NAF1: variants seen among roughly 807,000 people sequenced by gnomAD.
NAF1 encodes H/ACA ribonucleoprotein complex non-core subunit NAF1.
Under a neutral mutation model 40.6 loss-of-function variants are expected in NAF1, and 11 were observed. The observed-to-expected ratio is 0.27, with a 90% CI of 0.17 to 0.45. NAF1 has a LOEUF of 0.45. Ranked by LOEUF, NAF1 falls within the 20% of genes least tolerant of loss-of-function variation. The pLI, the probability that NAF1 is intolerant of heterozygous loss-of-function variation, is 1.00. For missense variants in NAF1, 607 were observed against 611.1 expected, an observed-to-expected ratio of 0.99 and a Z score of 0.07; for synonymous variants, 260 against 228.5, an observed-to-expected ratio of 1.14 and a Z score of -1.24.
intron 5 of NAF1, 24 bp from the exon 6 acceptor site, chr4:163,137,274 CA>C (rs745854447): frequency 1.9e-6 from 3 of 1,587,176 alleles, no homozygotes; most frequent in East Asian, 2.3e-5. Context: ...GGATGGGAGT[CA>C]AAAAAGTATT....
chr4:163,148,268 G>C, intron 3 of NAF1, 73 bp downstream of exon 3: 1 of 883,850 alleles, frequency 1.1e-6, no homozygotes, highest in Admixed American at 2.8e-5. Flanking sequence ...AAATTTACTA[G>C]TCATAAAAGT....
intron 2 of NAF1, among the ~76,000 whole-genome samples, chr4:163,149,340 T>C (rs927062375): frequency 2.6e-5 from 4 of 152,132 alleles, no homozygotes; most frequent in Admixed American, 1.3e-4. Flanking sequence ...TGGAGAAATG[T>C]TGGAAAAGGT....
intron 2 of NAF1, among the ~76,000 whole-genome samples, chr4:163,115,958 C>T (rs947757158): frequency 7.9e-5 from 12 of 152,196 alleles, no homozygotes; most frequent in Non-Finnish European, 1.5e-4. Flanking sequence ...GCCAAATTAT[C>T]ATGTATACTA....
At chr4:163,141,221 C>T (rs1277140692) in intron 4 of NAF1, among the ~76,000 whole-genome samples, 2 of 151,958 alleles carry the variant, frequency 1.3e-5, no homozygotes, top group Non-Finnish European at 2.9e-5. Context: ...AAAAATTAGC[C>T]GGGTGTGGTG....
intron 2 of NAF1, among the ~76,000 whole-genome samples, chr4:163,153,898 CT>C (rs1412264113): frequency 6.6e-6 from 1 of 152,174 alleles, no homozygotes; most frequent in East Asian, 1.9e-4. Flanking sequence ...GTCCACACTG[CT>C]TTTATGAGCC....
chr4:163,135,086 T>C (rs887932420), intron 6 of NAF1: 1 of 152,202 alleles, frequency 6.6e-6, no homozygotes, highest in African/African-American at 2.4e-5. Flanking sequence ...AAAATGGCTA[T>C]GAAGATGAAC....
At chr4:163,127,000 A>G, downstream of NAF1, 1 of 1,551,450 alleles carries the variant, frequency 6.4e-7, no homozygotes, top group Non-Finnish European at 8.7e-7. Flanking sequence ...TTAATAAACT[A>G]AAGTAGCATG....
intron 4 of NAF1, among the ~76,000 whole-genome samples, chr4:163,140,908 A>T (rs1037273885): frequency 2.6e-5 from 4 of 152,194 alleles, no homozygotes; most frequent in African/African-American, 7.2e-5. Flanking sequence ...AGTAGAAGTT[A>T]TTTATGTTTA....
chr4:163,120,145 A>C (rs191195352), intron 2 of NAF1, among the ~76,000 whole-genome samples: 264 of 152,318 alleles, frequency 1.7e-3, no homozygotes, highest in Middle Eastern at 3.4e-3. Context: ...GGGTTGGGGG[A>C]GAGTGCAAAT....
intron 4 of NAF1, among the ~76,000 whole-genome samples, chr4:163,142,904 A>T (rs1731317600): frequency 6.6e-6 from 1 of 152,210 alleles, no homozygotes; most frequent in Non-Finnish European, 1.5e-5. Flanking sequence ...CATAGGAGGC[A>T]CCCATATCCC....
At chr4:163,146,437 T>TGGAGA (rs1731472426) in intron 3 of NAF1, among the ~76,000 whole-genome samples, 1 of 152,176 alleles carries the variant, frequency 6.6e-6, no homozygotes, top group African/African-American at 2.4e-5. Context: ...TCCAGTTCTT[T>TGGAGA]TAAATGACAC....
At chr4:163,151,342 C>A (rs1356690721) in intron 2 of NAF1, among the ~76,000 whole-genome samples, 1 of 151,116 alleles carries the variant, frequency 6.6e-6, no homozygotes, top group Non-Finnish European at 1.5e-5. Flanking sequence ...TGAAAATTCA[C>A]TATTGTTTTC....
chr4:163,147,280 ACCAC>A, intron 3 of NAF1, among the ~76,000 whole-genome samples: 1 of 152,316 alleles, frequency 6.6e-6, no homozygotes, highest in African/African-American at 2.4e-5. Context: ...TCCTATTTCT[ACCAC>A]TGACTCACTA....
chr4:163,154,000 G>A (rs368490930), intron 2 of NAF1, among the ~76,000 whole-genome samples: 67 of 150,990 alleles, frequency 4.4e-4, no homozygotes, highest in East Asian at 2.7e-3. Flanking sequence ...CAGACATGCC[G>A]CCTTAAGAGC....
intron 2 of NAF1, among the ~76,000 whole-genome samples, chr4:163,115,353 C>T (rs374355839): frequency 6.6e-6 from 1 of 151,776 alleles, no homozygotes; most frequent in Non-Finnish European, 1.5e-5. Flanking sequence ...GGACTACAGG[C>T]GCCCACCACC....
rs181407040 is a variant in NAF1 at position 163,135,978 on chromosome 4, T to A, written c.930+1221A>T. On this transcript the variant is annotated intron_variant, in intron 6 of 7. Transcript: ENST00000274054. Reference sequence around the variant, plus strand: ...CTGAAATCACATAAATACATAACATTAATTAGAAAACATAATTCCATTTCA... The same window carrying A: ...CTGAAATCACATAAATACATAACATAAATTAGAAAACATAATTCCATTTCA... The A allele has an allele frequency of 7.2e-4, 109 of 152,300 alleles. 1 individual carries two copies. Among genetic ancestry groups the A allele is most frequent in the African/African-American group, 2.5e-3 (103 of 41,566 alleles). The allele number at this position is 152,300 out of a possible 1,614,324, so 9.4% of individuals were successfully genotyped here. A position where few individuals can be genotyped will look rare whatever the true frequency, so the allele number is the denominator to read the frequency against.
chr4:163,164,411 TAA>T lies in NAF1; in HGVS notation c.366-22_366-21del. On this transcript the variant is annotated intron_variant, in intron 1 of 7. Coordinates refer to ENST00000274054, the MANE Select transcript of NAF1 (RefSeq NM_138386.3). ...GTTTCACTGTAGGGAAGAAAACAGT[TAA>T]AAAAATAGTCCAGTATTATTATACT... The T allele has an allele frequency of 6.7e-7, 1 of 1,488,494 alleles. No homozygotes were observed. Among genetic ancestry groups the T allele is most frequent in the Admixed American group, 2.6e-5 (1 of 38,952 alleles). 92.2% of individuals were successfully genotyped at this position (1,488,494 alleles called of 1,614,324 possible). A position where few individuals can be genotyped will look rare whatever the true frequency, so the allele number is the denominator to read the frequency against.
chr4:163,118,188 T>G (rs1450726749), intron 2 of NAF1, among the ~76,000 whole-genome samples: 2 of 152,042 alleles, frequency 1.3e-5, no homozygotes, highest in Non-Finnish European at 2.9e-5. Flanking sequence ...ACCACTATAC[T>G]CTAGAAACAC....
chr4:163,166,780 T>C lies in NAF1; in HGVS notation c.-53A>G, dbSNP rs1196046495. On this transcript the variant is annotated 5_prime_UTR_variant, in exon 1 of 8. Transcript: ENST00000274054. ...TCAGGATTGGGGCCCCTGGACAAGC[T>C]CACGGCTCTCTCCAGAAATAGAAAA... The C allele has an allele frequency of 1.9e-6, 3 of 1,603,034 alleles. No homozygotes were observed. The highest frequency in any genetic ancestry group is 2.6e-6 in the Non-Finnish European group (3 of 1,175,952).
Sources: allele counts gnomAD v4.1 joint callset (sites outside exome capture counted in the v4.1 genomes callset), GRCh38; gene constraint gnomAD v4.1.1; transcripts MANE v1.5; gene names NCBI Gene and HGNC (gene_info 2026-07-23, HGNC 2026-07-21).